The following KALRN variants were observed in gnomAD, a reference collection of about 807,000 sequenced individuals.
KALRN encodes the protein kalirin.
KALRN carries 70 observed loss-of-function variants against 353.7 expected under a neutral mutation model. The observed-to-expected ratio is 0.20, with a 90% CI of 0.16 to 0.24. KALRN has a LOEUF of 0.24. KALRN is among the 10% of genes least tolerant of loss of function. The pLI is 1.00. For missense variants in KALRN, 2,791 were observed against 3,756.7 expected (o/e 0.74, Z 6.72); for synonymous variants, 1,391 against 1,434.8 (o/e 0.97, Z 0.69).
At chr3:124,268,645 T>A in intron 4 of KALRN, 98 bp from the exon 5 acceptor site, 1 of 1,292,940 alleles carries the variant, frequency 7.7e-7, no homozygotes, top group Non-Finnish European at 1.1e-6. Context: ...CTGTGGTCAT[T>A]ATTATGTGGA....
intron 23 of KALRN, among the ~76,000 whole-genome samples, chr3:124,460,013 G>C (rs2059695611): frequency 6.6e-6 from 1 of 152,138 alleles, no homozygotes; most frequent in Non-Finnish European, 1.5e-5. Flanking sequence ...CCTTCTGAGG[G>C]CAGTGAGGGG....
chr3:124,163,819 C>A (rs1284247901), intron 1 of KALRN: 1 of 985,370 alleles, frequency 1.0e-6, no homozygotes, highest in Non-Finnish European at 1.2e-6. Context: ...TCCTGGGCCA[C>A]CTGACTGATG....
In KALRN at chr3:124,686,914, A is replaced by G. The variant is rs550610327; in HGVS notation, c.7378-6890A>G. 6.2e-5 allele frequency among the ~76,000 whole-genome samples: 9 copies of G among 144,704 alleles called. No individual in the cohort carries two copies. In the East Asian group the frequency reaches 1.8e-3, roughly 30 times the overall value. The allele number at this position is 144,704 out of a possible 152,430, so 94.9% of individuals were successfully genotyped here. On this transcript the variant is annotated intron_variant, in intron 51 of 59. Transcript: ENST00000682506. The stretch of plus-strand genomic sequence containing the variant: ...ACTGCAGCACTAACCTCCCAGGCTC[A>G]AGTGACCCTCCCACCCTCAGCCTCC...
In KALRN at chr3:124,453,065, C is replaced by G. The variant is rs114108292; in HGVS notation, c.3553-2112C>G. 6.7e-3 allele frequency among the ~76,000 whole-genome samples: 1,016 copies of G among 152,200 alleles called. 15 individuals carry two copies. Among genetic ancestry groups the G allele is most frequent in the African/African-American group, 0.023 (976 of 41,544 alleles). ...ACCCTACATGCAATAAGATGAAAGT[C>G]CTCAGGATGCTTAGACACTGGAGAT... On this transcript the variant is annotated intron_variant, in intron 21 of 59. Coordinates refer to ENST00000682506, the MANE Select transcript of KALRN (RefSeq NM_001388419.1).
At chr3:124,475,121 T>A (rs566325917) in intron 26 of KALRN, among the ~76,000 whole-genome samples, 1 of 152,326 alleles carries the variant, frequency 6.6e-6, no homozygotes, top group African/African-American at 2.4e-5. Context: ...TATATATTTA[T>A]GGGGGAGACA....
chr3:124,716,299 G>T (rs1408108999), intron 58 of KALRN, among the ~76,000 whole-genome samples: 2 of 152,188 alleles, frequency 1.3e-5, no homozygotes, highest in African/African-American at 4.8e-5. Context: ...CCAGGCGGGT[G>T]GATCACTTGA....
intron 33 of KALRN, among the ~76,000 whole-genome samples, chr3:124,531,985 A>G (rs1240450832): frequency 6.6e-6 from 1 of 152,228 alleles, no homozygotes; most frequent in Non-Finnish European, 1.5e-5. Flanking sequence ...CAAGACTTAG[A>G]GAACCAATTC....
rs751670130 is a variant in KALRN at position 124,334,415 on chromosome 3, C to T, written c.1567C>T (p.Leu523=). The part of the protein sequence containing the change: ...VHEVLHHQRR[L]ESIWQHRKVR... Reference sequence around the variant, plus strand: ...TGAGGTGTTACATCACCAGCGACGGCTGGAGAGCATCTGGCAGCACCGCAA... The same window carrying T: ...TGAGGTGTTACATCACCAGCGACGGTTGGAGAGCATCTGGCAGCACCGCAA... Residue 523 remains leucine (L), a synonymous_variant, in exon 9 of 60, where the codon CTG becomes TTG. Transcript: ENST00000682506. The surrounding 1 kb of genome is among the most constrained non-coding windows in gnomAD (Gnocchi z 4.2). 6.8e-6 allele frequency: 11 copies of T among 1,614,218 alleles called. No homozygotes were observed. The highest frequency in any genetic ancestry group is 1.7e-4 in the Middle Eastern group (1 of 6,058).
intron 3 of KALRN, among the ~76,000 whole-genome samples, chr3:124,244,879 T>A (rs543898780): frequency 6.6e-6 from 1 of 152,270 alleles, no homozygotes. Context: ...TGATACATAA[T>A]GTACATATTT....
intron 37 of KALRN, among the ~76,000 whole-genome samples, chr3:124,646,015 T>G (rs976359499): frequency 2.0e-5 from 3 of 152,184 alleles, no homozygotes; most frequent in Non-Finnish European, 4.4e-5. Flanking sequence ...CCTCCCTGTC[T>G]GGGAATCGGA....
chr3:124,086,420 G>A (rs187241671), intron 1 of KALRN, among the ~76,000 whole-genome samples: 31 of 151,280 alleles, frequency 2.0e-4, no homozygotes, highest in Middle Eastern at 6.8e-3. Context: ...ACATTTCCCT[G>A]ATCATTAGTA....
chr3:124,142,197 T>C (rs1446749837), intron 1 of KALRN, among the ~76,000 whole-genome samples: 1 of 152,180 alleles, frequency 6.6e-6, no homozygotes, highest in Admixed American at 6.5e-5. Flanking sequence ...TTTGTTTATG[T>C]CTCTCAACTT....
At chr3:124,426,544 C>T (rs533696521) in intron 15 of KALRN, among the ~76,000 whole-genome samples, 3 of 152,172 alleles carry the variant, frequency 2.0e-5, no homozygotes, top group South Asian at 4.2e-4. Flanking sequence ...AAGGCACAGA[C>T]GTTAGACTAA....
At chr3:124,434,102 G>A (rs959133165) in intron 16 of KALRN, among the ~76,000 whole-genome samples, 2 of 152,170 alleles carry the variant, frequency 1.3e-5, no homozygotes, top group African/African-American at 4.8e-5. Flanking sequence ...TTAGGGTCGT[G>A]AGAGATTAGC....
In KALRN at chr3:124,041,808, C is replaced by G. The variant is rs988806217; in HGVS notation, c.73+7995C>G. On this transcript the variant is annotated intron_variant, in intron 1 of 59. Transcript: ENST00000682506. ...TAGGAAATGACTGACAGCCACAGAG[C>G]TGTCGGATCAATAGAGCTGCTTGAA... Among the ~76,000 whole-genome samples the G allele has an allele frequency of 2.5e-4, 38 of 152,180 alleles. 1 individual carries two copies. The highest frequency in any genetic ancestry group is 9.2e-4 in the African/African-American group (38 of 41,436).
In KALRN at chr3:124,332,201, C is replaced by CTCCTAACCA. The variant is rs1467708151; in HGVS notation, c.1417-2063_1417-2055dup. 2.0e-5 allele frequency among the ~76,000 whole-genome samples: 3 copies of CTCCTAACCA among 152,250 alleles called. No homozygotes were observed. The East Asian group carries it at 5.8e-4, about 29-fold the overall frequency. ...TCTGCTGCACTCTACCGCAGCACCC[C>CTCCTAACCA]TCCTAACCACCCTGCCCTGAAAGCA... On this transcript the variant is annotated intron_variant, in intron 8 of 59. Coordinates refer to ENST00000682506, the MANE Select transcript of KALRN (RefSeq NM_001388419.1).
At chr3:124,570,025 G>A (rs538750557) in intron 34 of KALRN, among the ~76,000 whole-genome samples, 2 of 152,284 alleles carry the variant, frequency 1.3e-5, no homozygotes, top group East Asian at 3.9e-4. Flanking sequence ...CTGCAGGATG[G>A]AAGTCCCCTG....
intron 13 of KALRN, among the ~76,000 whole-genome samples, chr3:124,400,430 G>A (rs1288063330): frequency 6.6e-6 from 1 of 152,156 alleles, no homozygotes; most frequent in African/African-American, 2.4e-5. Flanking sequence ...GAGAAGTTAA[G>A]CCTTTAAATC....
At chr3:124,399,418 A>G (rs1428750728) in intron 13 of KALRN, among the ~76,000 whole-genome samples, 1 of 152,208 alleles carries the variant, frequency 6.6e-6, no homozygotes, top group Non-Finnish European at 1.5e-5. Context: ...GATTACAGGC[A>G]TGAGCCACTG....
Sources: gnomAD v4.1 joint callset for allele counts (sites outside exome capture counted in the v4.1 genomes callset) on GRCh38, gnomAD v4.1.1 for gene constraint, Gnocchi (gnomAD v3.1) non-coding constraint, MANE v1.5 for transcripts, NCBI Gene and HGNC (gene_info 2026-07-23, HGNC 2026-07-21) for gene names.